Variants in SLC24A2 observed in about 807,000 individuals in gnomAD.
SLC24A2 encodes sodium/potassium/calcium exchanger 2.
SLC24A2 carries 36 observed loss-of-function variants against 62.0 expected under a neutral mutation model. The observed-to-expected ratio is 0.58, with a 90% confidence interval of 0.44 to 0.77. The LOEUF is 0.77. Among genes scored for constraint, SLC24A2 ranks in the 30% least tolerant of loss-of-function variants. The pLI is 0.00. For synonymous variants in SLC24A2, 358 were observed against 294.0 expected (o/e 1.22, Z -2.23); for missense variants, 846 against 817.9 (o/e 1.03, Z -0.42).
At chr9:19,877,344 C>T in the SLC24A2 span, among the ~76,000 whole-genome samples, 1 of 141,642 alleles carries the variant, frequency 7.1e-6, no homozygotes, top group East Asian at 2.2e-4. Flanking sequence ...ATGGTCAGTG[C>T]CTCTAGAATC....
At chr9:20,088,439 A>T in the SLC24A2 span, among the ~76,000 whole-genome samples, 1 of 152,188 alleles carries the variant, frequency 6.6e-6, no homozygotes, top group Non-Finnish European at 1.5e-5. Flanking sequence ...AGACGTGGCC[A>T]GACTATTTTT....
At chr9:19,819,318 G>A in the SLC24A2 span, among the ~76,000 whole-genome samples, 2 of 152,092 alleles carry the variant, frequency 1.3e-5, no homozygotes, top group African/African-American at 2.4e-5. Flanking sequence ...GAACCCCAAA[G>A]CAAATGCAAT....
the SLC24A2 span, among the ~76,000 whole-genome samples, chr9:20,281,395 A>G: frequency 2.6e-5 from 4 of 152,166 alleles, no homozygotes; most frequent in Non-Finnish European, 5.9e-5. Flanking sequence ...CATTTTCACA[A>G]CTGAACACAA....
the SLC24A2 span, among the ~76,000 whole-genome samples, chr9:20,002,086 G>C: frequency 5.9e-5 from 9 of 152,160 alleles, no homozygotes; most frequent in Non-Finnish European, 1.3e-4. Flanking sequence ...AACATACTTA[G>C]GTAAATGCTG....
intron 2 of SLC24A2, among the ~76,000 whole-genome samples, chr9:19,740,162 T>G (rs2224486): frequency 0.8 from 120,902 of 151,392 alleles, 48,488 homozygotes; most frequent in African/African-American, 0.86. Context: ...TTTGAAAAAT[T>G]CTTAGGCAGT....
At chr9:19,724,887 G>A (rs1821125975) in intron 2 of SLC24A2, among the ~76,000 whole-genome samples, 2 of 152,102 alleles carry the variant, frequency 1.3e-5, no homozygotes, top group Admixed American at 6.6e-5. Flanking sequence ...AGACTAATAA[G>A]CAAACTACAG....
chr9:19,908,426 C>T, the SLC24A2 span, among the ~76,000 whole-genome samples: 1 of 152,052 alleles, frequency 6.6e-6, no homozygotes, highest in Non-Finnish European at 1.5e-5. Context: ...TAGGCATGGG[C>T]AAGGACTTCA....
chr9:19,523,464 C>G (rs1221136588), intron 9 of SLC24A2, among the ~76,000 whole-genome samples: 1 of 151,740 alleles, frequency 6.6e-6, no homozygotes, highest in East Asian at 1.9e-4. Flanking sequence ...TTTTTTTTAA[C>G]TTAATATGTT....
intron 2 of SLC24A2, among the ~76,000 whole-genome samples, chr9:19,634,434 A>G (rs1217087860): frequency 6.6e-6 from 1 of 151,982 alleles, no homozygotes; most frequent in Non-Finnish European, 1.5e-5. Flanking sequence ...GAATACAGGC[A>G]TGCGCCACCA....
chr9:19,722,746 G>A (rs1821064208), intron 2 of SLC24A2, among the ~76,000 whole-genome samples: 2 of 151,872 alleles, frequency 1.3e-5, no homozygotes, highest in African/African-American at 4.8e-5. Flanking sequence ...TCCAGTGTCA[G>A]CATCATATGA....
intron 2 of SLC24A2, among the ~76,000 whole-genome samples, chr9:19,724,884 T>A (rs1043617997): frequency 1.3e-5 from 2 of 152,158 alleles, no homozygotes; most frequent in African/African-American, 4.8e-5. Context: ...GGGAGACTAA[T>A]AAGCAAACTA....
the SLC24A2 span, among the ~76,000 whole-genome samples, chr9:20,117,087 G>A: frequency 3.3e-5 from 5 of 151,960 alleles, no homozygotes; most frequent in Admixed American, 1.3e-4. Flanking sequence ...ATGTATTTTG[G>A]CAGTGACTGA....
At chr9:19,572,386 A>G (rs928208125) in intron 7 of SLC24A2, among the ~76,000 whole-genome samples, 1 of 152,094 alleles carries the variant, frequency 6.6e-6, no homozygotes, top group African/African-American at 2.4e-5. Flanking sequence ...CTCAAATTGT[A>G]ATCCCCATAT....
chr9:19,507,796 A>G lies in SLC24A2; in HGVS notation c.*8357T>C, dbSNP rs1832556165. On this transcript the variant is annotated 3_prime_UTR_variant, in exon 11 of 11. Coordinates refer to ENST00000341998, the MANE Select transcript of SLC24A2 (RefSeq NM_020344.4). The stretch of plus-strand genomic sequence containing the variant: ...AGTAATTTGGAAGTGCATCCACTGG[A>G]TTTTTGTAGGGATGAGGATAGGGGT... 6.6e-6 allele frequency: 1 copy of G among 152,224 alleles called. No individual in the cohort carries two copies. The allele number at this position is 152,224 out of a possible 1,614,324, so 9.4% of individuals were successfully genotyped here. A position where few individuals can be genotyped will look rare whatever the true frequency, so the allele number is the denominator to read the frequency against.
chr9:19,649,473 G>C (rs999045393), intron 2 of SLC24A2, among the ~76,000 whole-genome samples: 1 of 152,228 alleles, frequency 6.6e-6, no homozygotes, highest in African/African-American at 2.4e-5. Context: ...TCATGATAGG[G>C]GTGGGGGTAG....
chr9:19,581,536 T>C (rs1377027884), intron 5 of SLC24A2, among the ~76,000 whole-genome samples: 1 of 152,300 alleles, frequency 6.6e-6, no homozygotes, highest in East Asian at 1.9e-4. Flanking sequence ...TTAATACCCA[T>C]TGCATGTTTC....
intron 7 of SLC24A2, among the ~76,000 whole-genome samples, chr9:19,558,410 G>A (rs945101939): frequency 3.3e-5 from 5 of 152,224 alleles, no homozygotes; most frequent in African/African-American, 1.2e-4. Flanking sequence ...AAAAGGTATA[G>A]AGATTTAGCT....
chr9:20,206,726 G>A, the SLC24A2 span, among the ~76,000 whole-genome samples: 11 of 151,980 alleles, frequency 7.2e-5, no homozygotes, highest in Non-Finnish European at 1.6e-4. Context: ...TGATCTGCTC[G>A]CCTCAGCCTC....
the SLC24A2 span, among the ~76,000 whole-genome samples, chr9:20,302,718 G>T: frequency 6.6e-6 from 1 of 152,306 alleles, no homozygotes; most frequent in East Asian, 1.9e-4. Flanking sequence ...CAGAGCAGAA[G>T]TTTTTAATTT....
Sources: allele counts gnomAD v4.1 joint callset (sites outside exome capture counted in the v4.1 genomes callset), GRCh38; gene constraint gnomAD v4.1.1; transcripts MANE v1.5; gene names NCBI Gene and HGNC (gene_info 2026-07-23, HGNC 2026-07-21).